Variants in PTPN3 observed in about 807,000 individuals in gnomAD.
PTPN3 encodes protein tyrosine phosphatase non-receptor type 3.
A neutral mutation model predicts 132.7 loss-of-function variants in PTPN3; 96 were observed. The observed-to-expected ratio is 0.72, with a 90% CI of 0.61 to 0.86. The LOEUF is 0.86. Among genes scored for constraint, PTPN3 ranks in the 40% least tolerant of loss-of-function variants. The probability of loss-of-function intolerance (pLI) is 0.00; values close to 1 mark genes in which losing one functional copy is unlikely to be tolerated. For missense variants in PTPN3, 1,125 were observed against 1,159.6 expected (o/e 0.97, Z 0.43); for synonymous variants, 398 against 429.0 (o/e 0.93, Z 0.89).
At chr9:109,393,693 T>C (rs1840327720) in intron 19 of PTPN3, among the ~76,000 whole-genome samples, 1 of 152,180 alleles carries the variant, frequency 6.6e-6, no homozygotes, top group Non-Finnish European at 1.5e-5. Context: ...CAAGTTGCCC[T>C]ACAGGGATGT....
At chr9:109,509,852 GAA>G in the PTPN3 span, among the ~76,000 whole-genome samples, 2 of 143,686 alleles carry the variant, frequency 1.4e-5, no homozygotes, top group African/African-American at 2.5e-5. Context: ...TTATGGAAAG[GAA>G]AAAAAAAAAG....
intron 5 of PTPN3, among the ~76,000 whole-genome samples, chr9:109,454,077 G>T (rs1180730045): frequency 6.6e-6 from 1 of 152,126 alleles, no homozygotes; most frequent in Non-Finnish European, 1.5e-5. Context: ...CAAGAGCCTT[G>T]ATTTTAGCTC....
chr9:109,477,185 G>C (rs1846714405), intron 1 of PTPN3, among the ~76,000 whole-genome samples: 1 of 152,132 alleles, frequency 6.6e-6, no homozygotes, highest in African/African-American at 2.4e-5. Context: ...GTGGTAAACG[G>C]AGCCCCACAC....
At chr9:109,522,422 C>T in the PTPN3 span, among the ~76,000 whole-genome samples, 2,042 of 152,174 alleles carry the variant, frequency 0.013, 40 homozygotes, top group African/African-American at 0.047. Context: ...AAAGAGGCCT[C>T]GAATAAAGAG....
Position 109,379,722 on chromosome 9 carries a change from G to C in PTPN3, c.2665-89C>G, listed in dbSNP as rs184954695. On this transcript the variant is annotated intron_variant, in intron 25 of 25. Transcript: ENST00000374541. ...TACCGGTGGGTCTTTTGCAGCATTT[G>C]TAAATATTCCCTGAGCGCCAACTCT... 1.9e-5 allele frequency: 22 copies of C among 1,132,178 alleles called. No individual in the cohort carries two copies. In the African/African-American group the frequency reaches 3.4e-4, roughly 17 times the overall value. The allele number at this position is 1,132,178 out of a possible 1,614,324, so 70.1% of individuals were successfully genotyped here.
intron 5 of PTPN3, among the ~76,000 whole-genome samples, chr9:109,453,356 G>A (rs1236243318): frequency 6.6e-6 from 1 of 152,140 alleles, no homozygotes; most frequent in Non-Finnish European, 1.5e-5. Context: ...AGCATCTATT[G>A]CTTTTTTTCT....
chr9:109,472,401 T>C (rs999013022), intron 1 of PTPN3, among the ~76,000 whole-genome samples: 2 of 152,270 alleles, frequency 1.3e-5, no homozygotes, highest in African/African-American at 4.8e-5. Context: ...TATCAGGCTT[T>C]GAAAATGTTC....
At chr9:109,444,938 CAA>C (rs1844746633) in intron 7 of PTPN3, among the ~76,000 whole-genome samples, 1 of 152,232 alleles carries the variant, frequency 6.6e-6, no homozygotes, top group Non-Finnish European at 1.5e-5. Flanking sequence ...AATGCCTGAG[CAA>C]AGTTTCTGGA....
chr9:109,499,567 A>AAC (rs71302639), upstream of PTPN3, among the ~76,000 whole-genome samples: 40,492 of 152,094 alleles, frequency 0.27, 5,701 homozygotes, highest in South Asian at 0.32. Flanking sequence ...ACCCCCCTGC[A>AAC]ACACTGTCTG....
In PTPN3 at chr9:109,477,271, C is replaced by T. The variant is rs562266384; in HGVS notation, c.-17-13820G>A. Among the ~76,000 whole-genome samples the T allele has an allele frequency of 2.0e-5, 3 of 152,294 alleles. No individual in the cohort carries two copies. The South Asian group carries it at 6.2e-4, about 32-fold the overall frequency. ...TTTGAGATAATCTTTTATAAACACT[C>T]CCCGAGGCTCTCATGTTGGTAAATT... On this transcript the variant is annotated intron_variant, in intron 1 of 25. Transcript: ENST00000374541.
intron 1 of PTPN3, among the ~76,000 whole-genome samples, chr9:109,467,244 T>G (rs1219423926): frequency 6.6e-6 from 1 of 151,702 alleles, no homozygotes; most frequent in African/African-American, 2.4e-5. Flanking sequence ...TTAGTTCTTG[T>G]CTAAGAATCT....
At chr9:109,433,780 C>T (rs951193675) in intron 9 of PTPN3, among the ~76,000 whole-genome samples, 7 of 152,134 alleles carry the variant, frequency 4.6e-5, no homozygotes, top group African/African-American at 7.2e-5. Context: ...TGGTAGCATA[C>T]GCCTGTAGTC....
the PTPN3 span, among the ~76,000 whole-genome samples, chr9:109,528,021 A>T: frequency 6.6e-6 from 1 of 152,248 alleles, no homozygotes; most frequent in African/African-American, 2.4e-5. Context: ...GTTCAACATC[A>T]TTATGCATTA....
At chr9:109,403,911 T>G (rs538325768) in intron 19 of PTPN3, among the ~76,000 whole-genome samples, 1 of 152,278 alleles carries the variant, frequency 6.6e-6, no homozygotes, top group African/African-American at 2.4e-5. Context: ...GGTTTCTTAC[T>G]TGTGTTTATA....
intron 6 of PTPN3, among the ~76,000 whole-genome samples, chr9:109,447,877 G>A (rs1844965815): frequency 6.6e-6 from 1 of 152,096 alleles, no homozygotes; most frequent in Non-Finnish European, 1.5e-5. Context: ...CGCCTACGTA[G>A]GACACGAACA....
At chr9:109,437,311 A>C (rs986558761) in intron 8 of PTPN3, among the ~76,000 whole-genome samples, 1 of 152,182 alleles carries the variant, frequency 6.6e-6, no homozygotes, top group African/African-American at 2.4e-5. Flanking sequence ...CTCTGCCTTT[A>C]TCTCTTCTTT....
Position 109,410,286 on chromosome 9 carries a change from G to T in PTPN3, c.1443C>A (p.Phe481Leu), listed in dbSNP as rs774607981. 1.9e-6 allele frequency: 3 copies of T among 1,614,052 alleles called. No homozygotes were observed. Among genetic ancestry groups the T allele is most frequent in the Non-Finnish European group, 2.5e-6 (3 of 1,180,042 alleles). ...DGVDQQLLDD[F>L]HRVTKGGSTE... is the part of the protein sequence containing the mutation. ...TGGAGCCCCCTTTGGTCACCCTGTG[G>T]AAGTCATCTAAGAGCTGCTGATCAA... The change falls in exon 15 of 26, where the codon TTC becomes TTA. Residue 481 changes from phenylalanine (F) to leucine (L), a missense_variant. By Grantham distance (22) the Phe-to-Leu change is conservative. Coordinates refer to ENST00000374541, the MANE Select transcript of PTPN3 (RefSeq NM_002829.4).
At chr9:109,502,387 A>G (rs1847873361), upstream of PTPN3, among the ~76,000 whole-genome samples, 3 of 152,368 alleles carry the variant, frequency 2.0e-5, no homozygotes, top group South Asian at 6.2e-4. Flanking sequence ...ATGCAAGCTT[A>G]TGAAGAGCCC....
At chr9:109,402,005 A>G (rs1283736919) in intron 19 of PTPN3, among the ~76,000 whole-genome samples, 2 of 152,130 alleles carry the variant, frequency 1.3e-5, no homozygotes, top group Non-Finnish European at 2.9e-5. Flanking sequence ...CACTAAAATT[A>G]GACTGTAAAC....
Sources: allele counts gnomAD v4.1 joint callset (sites outside exome capture counted in the v4.1 genomes callset), GRCh38; gene constraint gnomAD v4.1.1; transcripts MANE v1.5; gene names NCBI Gene and HGNC (gene_info 2026-07-23, HGNC 2026-07-21).